The following VDAC2 variants were observed in gnomAD, a reference collection of about 807,000 sequenced individuals.
VDAC2 encodes the protein non-selective voltage-gated ion channel VDAC2.
A neutral mutation model predicts 36.6 loss-of-function variants in VDAC2; 6 were observed. The ratio of observed to expected loss-of-function variants is 0.16; its 90% confidence interval spans 0.09 to 0.32. The LOEUF (loss-of-function observed/expected upper bound fraction) is 0.32, where lower values mean the gene tolerates loss of function less well. Among genes scored for constraint, VDAC2 ranks in the 10% least tolerant of loss-of-function variants. The pLI, the probability that VDAC2 is intolerant of heterozygous loss-of-function variation, is 1.00. For synonymous variants in VDAC2, 109 were observed against 123.8 expected (o/e 0.88, Z 0.79); for missense variants, 247 against 346.0 (o/e 0.71, Z 2.27).
intron 1 of VDAC2, 29 bp downstream of exon 1, chr10:75,210,967 C>T: frequency 3.8e-6 from 2 of 523,894 alleles, no homozygotes; most frequent in Non-Finnish European, 6.3e-6. Context: ...CACGCCGACC[C>T]AGGGGCCTAG....
At chr10:75,218,755 T>C (rs1332376789) in intron 4 of VDAC2, among the ~76,000 whole-genome samples, 1 of 150,756 alleles carries the variant, frequency 6.6e-6, no homozygotes, top group Non-Finnish European at 1.5e-5. Context: ...AGCGGGACTC[T>C]GTCTCAAAAA....
In VDAC2 at chr10:75,212,225, AC is replaced by A; in HGVS notation, c.32-3del. The A allele has an allele frequency of 6.2e-7, 1 of 1,612,630 alleles. No individual in the cohort carries two copies. The highest frequency in any genetic ancestry group is 8.5e-7 in the Non-Finnish European group (1 of 1,179,478). Reference sequence around the variant, plus strand: ...ATTAACACTGGAATGTTTTTTTTCTACCAGCAATGTGTATTCCTCCATCATA... The same window carrying A: ...ATTAACACTGGAATGTTTTTTTTCTACAGCAATGTGTATTCCTCCATCATA... On this transcript the variant is annotated splice_region_variant and splice_polypyrimidine_tract_variant and intron_variant, in intron 2 of 9. Coordinates refer to ENST00000332211, the MANE Select transcript of VDAC2 (RefSeq NM_001391963.1).
In VDAC2 at chr10:75,211,153, C is replaced by T; in HGVS notation, c.-6C>T. The T allele has an allele frequency of 6.2e-7, 1 of 1,612,092 alleles. No individual in the cohort carries two copies. Among genetic ancestry groups the T allele is most frequent in the Non-Finnish European group, 8.5e-7 (1 of 1,179,160 alleles). On this transcript the variant is annotated 5_prime_UTR_variant, in exon 2 of 10. Transcript: ENST00000332211. ...CCGCAGATTCCCCTCTTCCCGCGGC[C>T]TCGCCATGGCGACCCACGGACAGAC...
Position 75,221,151 on chromosome 10 carries a change from C to T in VDAC2, c.584+181C>T, listed in dbSNP as rs566643939. 2.6e-4 allele frequency: 153 copies of T among 594,336 alleles called. No individual in the cohort carries two copies. The African/African-American group carries it at 2.6e-3, about 10-fold the overall frequency. The allele number at this position is 594,336 out of a possible 1,614,324, so 36.8% of individuals were successfully genotyped here. ...TATAGTAGAAGACTGTTAGTCTGACCTTTGGTGCTGAGAGAGTAAATGTTC... is the reference window on the plus strand; with the variant it reads ...TATAGTAGAAGACTGTTAGTCTGACTTTTGGTGCTGAGAGAGTAAATGTTC... On this transcript the variant is annotated intron_variant, in intron 7 of 9. Coordinates refer to ENST00000332211, the MANE Select transcript of VDAC2 (RefSeq NM_001391963.1).
intron 8 of VDAC2, among the ~76,000 whole-genome samples, chr10:75,223,576 T>G (rs1027774861): frequency 6.6e-6 from 1 of 152,168 alleles, no homozygotes; most frequent in Non-Finnish European, 1.5e-5. Context: ...TGCTTAATGC[T>G]CCTTGTGATA....
intron 4 of VDAC2, among the ~76,000 whole-genome samples, chr10:75,216,243 C>G (rs1841601650): frequency 6.6e-6 from 1 of 152,174 alleles, no homozygotes; most frequent in Non-Finnish European, 1.5e-5. Flanking sequence ...AAAAAAGATT[C>G]AGTCCTTGTG....
intron 8 of VDAC2, among the ~76,000 whole-genome samples, chr10:75,227,577 A>ATTTTTTTTT (rs35378957): frequency 0.019 from 1,944 of 99,746 alleles, 83 homozygotes; most frequent in Middle Eastern, 0.039. Flanking sequence ...AATAATAGGA[A>ATTTTTTTTT]TTTTTTTTTT....
At chr10:75,213,588 C>G (rs1213535595) in intron 3 of VDAC2, among the ~76,000 whole-genome samples, 1 of 151,790 alleles carries the variant, frequency 6.6e-6, no homozygotes, top group African/African-American at 2.4e-5. Context: ...ACTAAAAATA[C>G]AAAAAATTAG....
intron 2 of VDAC2, chr10:75,211,680 G>C: frequency 9.0e-6 from 14 of 1,550,428 alleles, no homozygotes; most frequent in Non-Finnish European, 1.2e-5. Context: ...AGCGCTATTT[G>C]ATATTTAGTT....
At chr10:75,213,992 TTG>T (rs758064889) in intron 3 of VDAC2, 27 bp from the exon 4 acceptor site, 42 of 1,610,960 alleles carry the variant, frequency 2.6e-5, no homozygotes, top group Middle Eastern at 1.7e-4. Context: ...AGGAATCATT[TTG>T]TTTCTTTTGC....
chr10:75,218,984 G>A, intron 4 of VDAC2, 79 bp from the exon 5 acceptor site: 1 of 1,343,992 alleles, frequency 7.4e-7, no homozygotes, highest in Non-Finnish European at 1.0e-6. Flanking sequence ...CAGGGGGTTT[G>A]TGTGTGTGTG....
intron 8 of VDAC2, among the ~76,000 whole-genome samples, chr10:75,223,392 A>G (rs12256255): frequency 0.022 from 3,378 of 152,300 alleles, 137 homozygotes; most frequent in African/African-American, 0.077. Context: ...AACAGATTTA[A>G]TGTAAGTGGA....
In VDAC2 at chr10:75,210,917, G is replaced by GC. The variant is rs1037653287; in HGVS notation, c.-41dup. The GC allele has an allele frequency of 7.8e-5, 31 of 395,706 alleles. No homozygotes were observed. The highest frequency in any genetic ancestry group is 6.2e-4 in the African/African-American group (30 of 48,050). 24.5% of individuals were successfully genotyped at this position (395,706 alleles called of 1,614,324 possible). ...AGCAGCTAGCGGAGCGGTGGCGGCGGCCCCCCTCAGGACACCACCAGGTAC... is the reference window on the plus strand; with the variant it reads ...AGCAGCTAGCGGAGCGGTGGCGGCGGCCCCCCCTCAGGACACCACCAGGTAC... On this transcript the variant is annotated 5_prime_UTR_variant, in exon 1 of 10. Transcript: ENST00000332211.
intron 8 of VDAC2, among the ~76,000 whole-genome samples, chr10:75,228,999 G>GGGCCTGGA (rs1448962611): frequency 6.6e-6 from 1 of 152,136 alleles, no homozygotes; most frequent in Non-Finnish European, 1.5e-5. Flanking sequence ...AGGAAGGCAG[G>GGGCCTGGA]GGCCTGGATT....
chr10:75,226,118 A>T (rs558704225), intron 8 of VDAC2, among the ~76,000 whole-genome samples: 3 of 151,950 alleles, frequency 2.0e-5, no homozygotes, highest in Non-Finnish European at 4.4e-5. Context: ...ACCTATCCCT[A>T]TCCCACAGTA....
At chr10:75,211,835 C>T (rs1293499558) in intron 2 of VDAC2, among the ~76,000 whole-genome samples, 2 of 152,152 alleles carry the variant, frequency 1.3e-5, no homozygotes, top group African/African-American at 4.8e-5. Context: ...GGGTAAAGGG[C>T]CTAGTCTTAG....
At position 75,231,036 on chromosome 10, in the gene VDAC2, T is replaced by G. The variant is rs765122164; in HGVS notation, c.*47T>G. On this transcript the variant is annotated 3_prime_UTR_variant, in exon 10 of 10. Coordinates refer to ENST00000332211, the MANE Select transcript of VDAC2 (RefSeq NM_001391963.1). The stretch of plus-strand genomic sequence containing the variant: ...GGAATGGATATCAGAAGATTTGGCC[T>G]TAATATATTTCCATTGTGACCAGCA... 13 of 1,456,042 alleles carry G rather than the reference T, an allele frequency of 8.9e-6. 1 individual carries two copies. The Admixed American group carries it at 2.2e-4, about 25-fold the overall frequency. The allele number at this position is 1,456,042 out of a possible 1,614,324, so 90.2% of individuals were successfully genotyped here.
intron 4 of VDAC2, 148 bp from the exon 5 acceptor site, chr10:75,218,915 C>T: frequency 1.3e-6 from 1 of 769,406 alleles, no homozygotes; most frequent in Non-Finnish European, 2.0e-6. Flanking sequence ...TAGCACAGTG[C>T]AGAAGGATAC....
chr10:75,211,803 G>A (rs1180065561), intron 2 of VDAC2: 3 of 1,088,722 alleles, frequency 2.8e-6, no homozygotes, highest in African/African-American at 1.6e-5. Flanking sequence ...TCCCCTCAGC[G>A]AAGATATTAA....
Sources: allele counts gnomAD v4.1 joint callset (sites outside exome capture counted in the v4.1 genomes callset), GRCh38; gene constraint gnomAD v4.1.1; transcripts MANE v1.5; gene names NCBI Gene and HGNC (gene_info 2026-07-23, HGNC 2026-07-21).